Variants in CCDC148 observed in about 807,000 individuals in gnomAD.
The protein encoded by CCDC148 is coiled-coil domain containing 148.
In CCDC148, 89 loss-of-function variants were observed where a neutral mutation model predicts 85.7. The observed-to-expected ratio is 1.04, with a 90% confidence interval of 0.87 to 1.24. The LOEUF (loss-of-function observed/expected upper bound fraction) is 1.24, where lower values mean the gene tolerates loss of function less well. Ranked by LOEUF, CCDC148 falls within the 50% of genes most tolerant of loss-of-function variation. CCDC148 has a pLI of 0.00. For missense variants in CCDC148, 692 were observed against 671.7 expected, an observed-to-expected ratio of 1.03 and a Z score of -0.33; for synonymous variants, 230 against 213.9, an observed-to-expected ratio of 1.08 and a Z score of -0.66.
In CCDC148 at chr2:158,456,579, G is replaced by A; in HGVS notation, c.-140C>T. 9.4e-7 allele frequency: 1 copy of A among 1,060,312 alleles called. No individual in the cohort carries two copies. The highest frequency in any genetic ancestry group is 2.9e-5 in the Admixed American group (1 of 35,008). 65.7% of individuals were successfully genotyped at this position (1,060,312 alleles called of 1,614,324 possible). On this transcript the variant is annotated 5_prime_UTR_variant, in exon 1 of 14. Coordinates refer to ENST00000283233, the MANE Select transcript of CCDC148 (RefSeq NM_138803.4). ...TTGACGCCAGGGACAAACCCTACCA[G>A]GCACAGTTGGGATTGGCAGTAAGGC... is the stretch of plus-strand genomic sequence containing the variant.
At chr2:158,248,381 A>T (rs1000523696) in intron 10 of CCDC148, among the ~76,000 whole-genome samples, 2 of 152,162 alleles carry the variant, frequency 1.3e-5, no homozygotes, top group Non-Finnish European at 2.9e-5. Flanking sequence ...AATGTGTACT[A>T]ATGTCTATAT....
chr2:158,444,401 C>T (rs554133501), intron 1 of CCDC148, among the ~76,000 whole-genome samples: 74 of 152,074 alleles, frequency 4.9e-4, no homozygotes, highest in African/African-American at 1.7e-3. Context: ...TTGAAAAAAA[C>T]ATTGGATTAA....
intron 7 of CCDC148, among the ~76,000 whole-genome samples, chr2:158,328,384 G>T (rs1254754509): frequency 2.0e-5 from 3 of 152,136 alleles, no homozygotes; most frequent in African/African-American, 7.2e-5. Context: ...TGGTGTATAT[G>T]TGCCACATTT....
chr2:158,322,913 T>C (rs916910643), intron 7 of CCDC148, among the ~76,000 whole-genome samples: 1 of 152,164 alleles, frequency 6.6e-6, no homozygotes, highest in Non-Finnish European at 1.5e-5. Context: ...CTTGCCATCA[T>C]TCTTTAGCTT....
At chr2:158,363,689 A>G (rs1246358932) in intron 1 of CCDC148, among the ~76,000 whole-genome samples, 1 of 152,228 alleles carries the variant, frequency 6.6e-6, no homozygotes, top group Non-Finnish European at 1.5e-5. Flanking sequence ...TATTTATGAT[A>G]AACCCACAAC....
rs758655252 is a variant in CCDC148 at position 158,338,881 on chromosome 2, C to G, written c.609G>C (p.Lys203Asn). 3.7e-5 allele frequency: 59 copies of G among 1,606,628 alleles called. No individual in the cohort carries two copies. The highest frequency in any genetic ancestry group is 4.7e-5 in the Non-Finnish European group (55 of 1,178,154). The change falls in exon 7 of 14, where the codon AAG becomes AAC. Residue 203 changes from lysine to asparagine, a missense_variant. By Grantham distance (94) the Lys-to-Asn change is moderately conservative. Coordinates refer to ENST00000283233, the MANE Select transcript of CCDC148 (RefSeq NM_138803.4). The stretch of plus-strand genomic sequence containing the variant: ...TGGGCAGTTCACTAAGCGGGTTAGT[C>G]TTTTCTTCCAAAGAATGATCTAGAA... ...IKILDHSLEE[K>N]TNPLSELPIE...
At chr2:158,376,900 G>T (rs1684674000) in intron 1 of CCDC148, among the ~76,000 whole-genome samples, 1 of 151,908 alleles carries the variant, frequency 6.6e-6, no homozygotes, top group Admixed American at 6.6e-5. Context: ...ATGAAAGGTG[G>T]GCCCTCAGGT....
chr2:158,444,032 T>C (rs533110857), intron 1 of CCDC148, among the ~76,000 whole-genome samples: 1 of 152,368 alleles, frequency 6.6e-6, no homozygotes, highest in Non-Finnish European at 1.5e-5. Context: ...ACTTTCTCAA[T>C]AGCCAAATAA....
intron 13 of CCDC148, among the ~76,000 whole-genome samples, chr2:158,175,210 T>G (rs779008234): frequency 2.6e-5 from 4 of 152,006 alleles, no homozygotes; most frequent in Admixed American, 6.6e-5. Context: ...GCCTGAGACT[T>G]TTTAGCTTCT....
chr2:158,429,031 C>A (rs1488461848), intron 1 of CCDC148, among the ~76,000 whole-genome samples: 2 of 151,222 alleles, frequency 1.3e-5, no homozygotes, highest in East Asian at 2.0e-4. Context: ...CAAACTATCA[C>A]AAGGACGGGA....
intron 13 of CCDC148, among the ~76,000 whole-genome samples, 182 bp downstream of exon 13, chr2:158,176,339 C>T (rs991841916): frequency 1.3e-4 from 20 of 151,934 alleles, no homozygotes; most frequent in Non-Finnish European, 2.5e-4. Context: ...AGCCTATTAA[C>T]TAGTTTGTAA....
intron 1 of CCDC148, among the ~76,000 whole-genome samples, chr2:158,415,042 T>A (rs1686433595): frequency 6.6e-6 from 1 of 151,918 alleles, no homozygotes; most frequent in South Asian, 2.1e-4. Context: ...CTCAAGGTAA[T>A]AAATTTGAGT....
intron 5 of CCDC148, among the ~76,000 whole-genome samples, chr2:158,339,524 C>T (rs1383345734): frequency 6.6e-6 from 1 of 152,080 alleles, no homozygotes; most frequent in African/African-American, 2.4e-5. Flanking sequence ...TTTTATCAAA[C>T]ATAGCACACC....
chr2:158,333,439 A>G (rs1460306755), intron 7 of CCDC148, among the ~76,000 whole-genome samples: 1 of 152,152 alleles, frequency 6.6e-6, no homozygotes, highest in Non-Finnish European at 1.5e-5. Context: ...ACTTCCAATT[A>G]GATGGTCAGT....
At chr2:158,208,077 C>T (rs1341202883) in intron 11 of CCDC148, among the ~76,000 whole-genome samples, 1 of 151,848 alleles carries the variant, frequency 6.6e-6, no homozygotes, top group African/African-American at 2.4e-5. Flanking sequence ...ATTCACAGGT[C>T]ATGGAATATA....
chr2:158,249,021 T>C (rs1315094419), intron 10 of CCDC148, among the ~76,000 whole-genome samples: 3 of 152,108 alleles, frequency 2.0e-5, no homozygotes, highest in South Asian at 4.1e-4. Context: ...CTTCCAGAAA[T>C]CTTACAAACT....
chr2:158,332,675 G>T (rs562569836), intron 7 of CCDC148, among the ~76,000 whole-genome samples: 4 of 151,842 alleles, frequency 2.6e-5, no homozygotes, highest in Admixed American at 2.6e-4. Flanking sequence ...GACTCTTTTT[G>T]GTTGTAGGCT....
At chr2:158,301,134 C>T (rs1272858516) in intron 9 of CCDC148, among the ~76,000 whole-genome samples, 2 of 152,142 alleles carry the variant, frequency 1.3e-5, no homozygotes, top group African/African-American at 4.8e-5. Context: ...ACTGGGATTA[C>T]ATATATGAGC....
rs948932645 is a variant in CCDC148, at chr2:158,287,628, G to A, written c.1110+21805C>T. Among the ~76,000 whole-genome samples the A allele has an allele frequency of 3.9e-5, 6 of 152,356 alleles. No homozygotes were observed. In the South Asian group the frequency reaches 1.2e-3, roughly 32 times the overall value. The stretch of plus-strand genomic sequence containing the variant: ...TCAAATCCCGGTCACACTGATGCAA[G>A]AGGTGGGTTTCCGTGATCTTGAGCA... On this transcript the variant is annotated intron_variant, in intron 9 of 13. Transcript: ENST00000283233.
Sources: gnomAD v4.1 joint callset for allele counts (sites outside exome capture counted in the v4.1 genomes callset) on GRCh38, gnomAD v4.1.1 for gene constraint, MANE v1.5 for transcripts, NCBI Gene and HGNC (gene_info 2026-07-23, HGNC 2026-07-21) for gene names.